Variants in PDCD1LG2 observed in about 807,000 individuals in gnomAD.
The protein encoded by PDCD1LG2 is B7 dendritic cell molecule.
A neutral mutation model predicts 28.2 loss-of-function variants in PDCD1LG2; 32 were observed. The observed-to-expected ratio is 1.13, with a 90% CI of 0.86 to 1.52. The LOEUF is 1.52. Among genes scored for constraint, PDCD1LG2 ranks in the 40% most tolerant of loss-of-function variants. The pLI, the probability that PDCD1LG2 is intolerant of heterozygous loss-of-function variation, is 0.00. For synonymous variants in PDCD1LG2, 116 were observed against 120.2 expected, an observed-to-expected ratio of 0.97 and a Z score of 0.23; for missense variants, 385 against 323.8, an observed-to-expected ratio of 1.19 and a Z score of -1.45.
chr9:5,553,745 A>T (rs965313831), intron 4 of PDCD1LG2, among the ~76,000 whole-genome samples: 6 of 152,144 alleles, frequency 3.9e-5, no homozygotes, highest in Non-Finnish European at 7.4e-5. Flanking sequence ...AGAGCTCAGG[A>T]TCTCCTAGGG....
At chr9:5,566,571 G>A (rs969982153) in intron 6 of PDCD1LG2, among the ~76,000 whole-genome samples, 2 of 152,280 alleles carry the variant, frequency 1.3e-5, no homozygotes, top group South Asian at 4.1e-4. Context: ...GGTAGTAATT[G>A]CTCCATCAGT....
intron 3 of PDCD1LG2, among the ~76,000 whole-genome samples, chr9:5,542,640 C>T (rs1046885313): frequency 1.3e-5 from 2 of 152,126 alleles, no homozygotes; most frequent in African/African-American, 4.8e-5. Flanking sequence ...CACTGCGATA[C>T]CACCTTACTC....
chr9:5,560,232 C>G (rs11790845), intron 5 of PDCD1LG2, among the ~76,000 whole-genome samples: 2,822 of 152,322 alleles, frequency 0.019, 29 homozygotes, highest in South Asian at 0.053. Context: ...CAAGTACCCA[C>G]ATGCCCATCT....
chr9:5,517,573 G>T (rs897466056), intron 1 of PDCD1LG2, among the ~76,000 whole-genome samples: 3 of 152,188 alleles, frequency 2.0e-5, no homozygotes, highest in Non-Finnish European at 4.4e-5. Context: ...GCCATCGGAA[G>T]GTTTTAAGAA....
At chr9:5,533,204 A>G (rs1308607841) in intron 2 of PDCD1LG2, among the ~76,000 whole-genome samples, 1 of 152,246 alleles carries the variant, frequency 6.6e-6, no homozygotes, top group Non-Finnish European at 1.5e-5. Flanking sequence ...TTATTCAGAA[A>G]CTACTTCAAG....
At chr9:5,556,207 G>T (rs1250418092) in intron 4 of PDCD1LG2, among the ~76,000 whole-genome samples, 1 of 152,208 alleles carries the variant, frequency 6.6e-6, no homozygotes, top group African/African-American at 2.4e-5. Flanking sequence ...ACCTGCACAG[G>T]ACAAGGGTTT....
At position 5,570,736 on chromosome 9, in the gene PDCD1LG2, T is replaced by C. The variant is rs929872584; in HGVS notation, c.*777T>C. ...AATCAATTATATACAGTCAAAAATA[T>C]TTGATATGCTCATACGTTGTATCTG... is the stretch of plus-strand genomic sequence containing the variant. On this transcript the variant is annotated 3_prime_UTR_variant, in exon 7 of 7. Coordinates refer to ENST00000397747, the MANE Select transcript of PDCD1LG2 (RefSeq NM_025239.4). The C allele has an allele frequency of 2.2e-5, 5 of 232,174 alleles. No homozygotes were observed. The highest frequency in any genetic ancestry group is 4.3e-5 in the Non-Finnish European group (5 of 117,514). 14.4% of individuals were successfully genotyped at this position (232,174 alleles called of 1,614,324 possible).
chr9:5,521,262 T>A (rs1012938173), intron 1 of PDCD1LG2, among the ~76,000 whole-genome samples: 16 of 152,176 alleles, frequency 1.1e-4, no homozygotes, highest in African/African-American at 3.6e-4. Context: ...GGGTTCCTTT[T>A]CAGGGTAATG....
chr9:5,513,997 G>C (rs929836589), intron 1 of PDCD1LG2, among the ~76,000 whole-genome samples: 2 of 152,194 alleles, frequency 1.3e-5, no homozygotes, highest in Non-Finnish European at 2.9e-5. Flanking sequence ...ATTTATCTAG[G>C]TCTTCATGGA....
Position 5,571,108 on chromosome 9 carries a change from A to C in PDCD1LG2, c.*1149A>C, listed in dbSNP as rs1354288383. The C allele has an allele frequency of 4.3e-6, 1 of 232,648 alleles. No homozygotes were observed. 14.4% of individuals were successfully genotyped at this position (232,648 alleles called of 1,614,324 possible). On this transcript the variant is annotated 3_prime_UTR_variant, in exon 7 of 7. Transcript: ENST00000397747. ...AGACTTACATAGGTGGGCCTAAAGC[A>C]AGCTCCTTAACTGAGCAAAATTTGG... is the stretch of plus-strand genomic sequence containing the variant.
rs2129875789 is a variant in PDCD1LG2, at chr9:5,549,453, T to A, written c.480T>A (p.Val160=). 6.2e-7 allele frequency: 1 copy of A among 1,614,170 alleles called. No individual in the cohort carries two copies. Among genetic ancestry groups the A allele is most frequent in the South Asian group, 1.1e-5 (1 of 91,078 alleles). The change falls in exon 4 of 7, where the codon GTT becomes GTA. Residue 160 remains valine, a synonymous_variant. Transcript: ENST00000397747. ...LAEVSWPNVS[V]PANTSHSRTP... Reference sequence around the variant, plus strand: ...AAGTATCCTGGCCAAACGTCAGCGTTCCTGCCAACACCAGCCACTCCAGGA... The same window carrying A: ...AAGTATCCTGGCCAAACGTCAGCGTACCTGCCAACACCAGCCACTCCAGGA...
intron 2 of PDCD1LG2, among the ~76,000 whole-genome samples, chr9:5,529,991 C>A (rs1554644534): frequency 6.6e-6 from 1 of 151,602 alleles, no homozygotes; most frequent in Non-Finnish European, 1.5e-5. Context: ...CCACCCCACC[C>A]TTACTTCTCA....
At chr9:5,511,609 T>C (rs779905443) in intron 1 of PDCD1LG2, among the ~76,000 whole-genome samples, 2 of 152,216 alleles carry the variant, frequency 1.3e-5, no homozygotes, top group South Asian at 2.1e-4. Context: ...ATATTCAGTG[T>C]GAGCAGTAAT....
intron 1 of PDCD1LG2, among the ~76,000 whole-genome samples, chr9:5,516,505 C>T (rs1355087005): frequency 1.3e-5 from 2 of 152,228 alleles, no homozygotes; most frequent in South Asian, 2.1e-4. Context: ...TTTGGGCCAT[C>T]CCTGGCTTGA....
At chr9:5,516,723 G>T (rs1487003970) in intron 1 of PDCD1LG2, among the ~76,000 whole-genome samples, 1 of 152,220 alleles carries the variant, frequency 6.6e-6, no homozygotes, top group Non-Finnish European at 1.5e-5. Flanking sequence ...GGGGGCTAGT[G>T]TGTCAGTACC....
chr9:5,515,580 G>A (rs1820141388), intron 1 of PDCD1LG2, among the ~76,000 whole-genome samples: 1 of 152,138 alleles, frequency 6.6e-6, no homozygotes, highest in Non-Finnish European at 1.5e-5. Context: ...TCAGCAGAGA[G>A]GAGACCCACA....
chr9:5,535,217 A>C (rs1820556956), intron 3 of PDCD1LG2, among the ~76,000 whole-genome samples, 167 bp downstream of exon 3: 1 of 152,228 alleles, frequency 6.6e-6, no homozygotes, highest in South Asian at 2.1e-4. Context: ...AATTTTTGAC[A>C]TCTGAGTACA....
intron 2 of PDCD1LG2, among the ~76,000 whole-genome samples, chr9:5,532,840 T>C (rs1016530027): frequency 2.6e-5 from 4 of 152,218 alleles, no homozygotes; most frequent in Non-Finnish European, 5.9e-5. Flanking sequence ...GCTGAGTGCC[T>C]ACTGCCTGCC....
chr9:5,521,158 A>T (rs1254776479), intron 1 of PDCD1LG2, among the ~76,000 whole-genome samples: 3 of 152,234 alleles, frequency 2.0e-5, no homozygotes, highest in Non-Finnish European at 1.5e-5. Flanking sequence ...AATATCCAGA[A>T]TAAGCAATTG....
Sources: gnomAD v4.1 joint callset for allele counts (sites outside exome capture counted in the v4.1 genomes callset) on GRCh38, gnomAD v4.1.1 for gene constraint, MANE v1.5 for transcripts, NCBI Gene and HGNC (gene_info 2026-07-23, HGNC 2026-07-21) for gene names.